SORCS2: variants seen among roughly 807,000 people sequenced by gnomAD.
The protein encoded by SORCS2 is sortilin related VPS10 domain containing receptor 2.
Under a neutral mutation model 141.6 loss-of-function variants are expected in SORCS2, and 100 were observed. The ratio of observed to expected loss-of-function variants is 0.71; its 90% confidence interval spans 0.60 to 0.83. The LOEUF is 0.83. Among genes scored for constraint, SORCS2 ranks in the 40% least tolerant of loss-of-function variants. The pLI, the probability that SORCS2 is intolerant of heterozygous loss-of-function variation, is 0.00. For missense variants in SORCS2, 1,646 were observed against 1,560.2 expected, an observed-to-expected ratio of 1.05 and a Z score of -0.93; for synonymous variants, 789 against 676.9, an observed-to-expected ratio of 1.17 and a Z score of -2.57.
At chr4:7,439,957 A>G (rs1279258933) in intron 2 of SORCS2, among the ~76,000 whole-genome samples, 1 of 152,158 alleles carries the variant, frequency 6.6e-6, no homozygotes, top group Non-Finnish European at 1.5e-5. Flanking sequence ...CGAAGTGACC[A>G]CAGCAGCTGC....
chr4:7,605,483 A>G (rs1018871989), intron 3 of SORCS2, among the ~76,000 whole-genome samples: 2 of 152,162 alleles, frequency 1.3e-5, no homozygotes, highest in African/African-American at 2.4e-5. Context: ...GGGCTAGCTC[A>G]GCTCTCTGGA....
chr4:7,697,531 A>G (rs371460393), intron 12 of SORCS2, among the ~76,000 whole-genome samples: 10 of 152,310 alleles, frequency 6.6e-5, no homozygotes, highest in African/African-American at 2.4e-4. Context: ...ATAGGGAGTG[A>G]CAGATGCAAG....
At chr4:7,575,093 C>T (rs576692204) in intron 3 of SORCS2, among the ~76,000 whole-genome samples, 30 of 152,316 alleles carry the variant, frequency 2.0e-4, no homozygotes, top group African/African-American at 4.8e-4. Flanking sequence ...TGGGGCTCCA[C>T]GTGGCCCTCT....
chr4:7,641,812 GGA>G (rs780097720), intron 4 of SORCS2, among the ~76,000 whole-genome samples: 4,486 of 133,132 alleles, frequency 0.034, 208 homozygotes, highest in South Asian at 0.057. Context: ...ATGGATGGAT[GGA>G]TGGGTGGGTG....
At chr4:7,560,973 G>C (rs1351681597) in intron 3 of SORCS2, among the ~76,000 whole-genome samples, 1 of 152,160 alleles carries the variant, frequency 6.6e-6, no homozygotes, top group Admixed American at 6.5e-5. Flanking sequence ...GCAAGATGGA[G>C]CTTGCCGCCA....
chr4:7,480,780 C>T (rs1036116418), intron 2 of SORCS2, among the ~76,000 whole-genome samples: 2 of 152,262 alleles, frequency 1.3e-5, no homozygotes, highest in African/African-American at 4.8e-5. Context: ...CCCAGCTCGC[C>T]AGGGCCGCAG....
At chr4:7,680,913 T>C (rs927343420) in intron 9 of SORCS2, among the ~76,000 whole-genome samples, 1 of 152,346 alleles carries the variant, frequency 6.6e-6, no homozygotes, top group African/African-American at 2.4e-5. Context: ...TGTCCCAACC[T>C]TGCACTTTGA....
intron 11 of SORCS2, among the ~76,000 whole-genome samples, chr4:7,693,809 C>T (rs1724413700): frequency 6.6e-6 from 1 of 152,242 alleles, no homozygotes; most frequent in Non-Finnish European, 1.5e-5. Context: ...GGCGACTCGG[C>T]CAGTCAAGGG....
chr4:7,331,180 A>AC (rs929560744), intron 1 of SORCS2, among the ~76,000 whole-genome samples: 2 of 151,894 alleles, frequency 1.3e-5, no homozygotes, highest in African/African-American at 4.8e-5. Flanking sequence ...GGGGGGCTTC[A>AC]CCCCCATAGA....
rs368388764 is a variant in SORCS2 at position 7,667,212 on chromosome 4, A to G, written c.1160A>G (p.Lys387Arg). 12 of 1,613,702 alleles carry G rather than the reference A, an allele frequency of 7.4e-6. No homozygotes were observed. The East Asian group carries it at 8.9e-5, about 12-fold the overall frequency. The change falls in exon 8 of 27, where the codon AAG becomes AGG. Residue 387 changes from lysine (K) to arginine (R), a missense_variant and splice_region_variant. By Grantham distance (26) the Lys-to-Arg change is conservative. Coordinates refer to ENST00000507866, the MANE Select transcript of SORCS2 (RefSeq NM_020777.3). ...AAGCTGCCGAAGTATGCATTGCCAA[A>G]GGTAAGGTGCTCCCCATTCCGCCTG... The part of the protein sequence containing the change: ...LMKLPKYALP[K>R]DLQIISTDES...
chr4:7,195,496 G>A lies in SORCS2; in HGVS notation c.480+2370G>A, dbSNP rs139823043. Among the ~76,000 whole-genome samples the A allele has an allele frequency of 8.9e-4, 135 of 152,308 alleles. 1 individual carries two copies. The highest frequency in any genetic ancestry group is 3.1e-3 in the African/African-American group (129 of 41,566). ...TGCCTCTCTCACACACCCATTCTCT[G>A]GACTGGGCAGTCAGGGAAGACCTGA... is the stretch of plus-strand genomic sequence containing the variant. On this transcript the variant is annotated intron_variant, in intron 1 of 26. Coordinates refer to ENST00000507866, the MANE Select transcript of SORCS2 (RefSeq NM_020777.3).
chr4:7,470,946 T>G, intron 2 of SORCS2, among the ~76,000 whole-genome samples: 1 of 40,378 alleles, frequency 2.5e-5, no homozygotes, highest in South Asian at 1.5e-3. Flanking sequence ...TGAGAGTGGG[T>G]GGGAGTAGTG....
chr4:7,305,092 A>T (rs1345738309), intron 1 of SORCS2, among the ~76,000 whole-genome samples: 1 of 146,254 alleles, frequency 6.8e-6, no homozygotes, highest in East Asian at 2.0e-4. Context: ...GAGTGCAGTG[A>T]GTGATCTCAG....
chr4:7,418,112 ACCTTCCCTTCCT>A (rs1215748873), intron 2 of SORCS2, among the ~76,000 whole-genome samples: 1 of 151,382 alleles, frequency 6.6e-6, no homozygotes, highest in Non-Finnish European at 1.5e-5. Flanking sequence ...CACCACACCC[ACCTTCCCTTCCT>A]CCTTCCCTTT....
At chr4:7,657,538 AGAATGAATGAGT>A (rs1721855827) in intron 5 of SORCS2, among the ~76,000 whole-genome samples, 1 of 152,210 alleles carries the variant, frequency 6.6e-6, no homozygotes, top group African/African-American at 2.4e-5. Context: ...ATTGAGTGAA[AGAATGAATGAGT>A]GAATGAATGA....
intron 2 of SORCS2, among the ~76,000 whole-genome samples, chr4:7,427,048 A>G (rs1016065094): frequency 1.3e-5 from 2 of 152,092 alleles, no homozygotes; most frequent in Admixed American, 6.6e-5. Context: ...CGGTGGTTCC[A>G]TTGAGCCCTC....
intron 21 of SORCS2, among the ~76,000 whole-genome samples, chr4:7,727,509 C>T (rs1727309105): frequency 6.6e-6 from 1 of 152,082 alleles, no homozygotes; most frequent in African/African-American, 2.4e-5. Context: ...TTAAGAACAG[C>T]CTCTACTGTG....
At position 7,706,162 on chromosome 4, in the gene SORCS2, G is replaced by A. The variant is rs1226899461; in HGVS notation, c.1868+1878G>A. Among the ~76,000 whole-genome samples, 33 of 129,180 alleles carry A rather than the reference G, an allele frequency of 2.6e-4. 7 individuals are homozygous for A. Among genetic ancestry groups the A allele is most frequent in the Admixed American group, 2.3e-4 (3 of 12,870 alleles). 84.7% of individuals were successfully genotyped at this position (129,180 alleles called of 152,430 possible). A position where few individuals can be genotyped will look rare whatever the true frequency, so the allele number is the denominator to read the frequency against. On this transcript the variant is annotated intron_variant, in intron 14 of 26. Coordinates refer to ENST00000507866, the MANE Select transcript of SORCS2 (RefSeq NM_020777.3). Reference sequence around the variant, plus strand: ...CTGGACAGAGAAGAGGCTGGGCTCCGTCTGGGCAGGGATGAGGCTGGGCTC... The same window carrying A: ...CTGGACAGAGAAGAGGCTGGGCTCCATCTGGGCAGGGATGAGGCTGGGCTC...
At chr4:7,323,487 G>T (rs1014402537) in intron 1 of SORCS2, among the ~76,000 whole-genome samples, 2 of 152,138 alleles carry the variant, frequency 1.3e-5, no homozygotes, top group African/African-American at 4.8e-5. Context: ...ACCACGTTCA[G>T]ACTCCCACAC....
Sources: gnomAD v4.1 joint callset for allele counts (sites outside exome capture counted in the v4.1 genomes callset) on GRCh38, gnomAD v4.1.1 for gene constraint, MANE v1.5 for transcripts, NCBI Gene and HGNC (gene_info 2026-07-23, HGNC 2026-07-21) for gene names.